CFAP54: variants seen among roughly 807,000 people sequenced by gnomAD.
CFAP54 encodes cilia and flagella associated protein 54.
Under a neutral mutation model 370.4 loss-of-function variants are expected in CFAP54, and 290 were observed. The observed-to-expected ratio is 0.78, with a 90% CI of 0.71 to 0.86. CFAP54 has a LOEUF of 0.86. Ranked by LOEUF, CFAP54 falls within the 40% of genes least tolerant of loss-of-function variation. The pLI, the probability that CFAP54 is intolerant of heterozygous loss-of-function variation, is 0.00. For synonymous variants in CFAP54, 1,206 were observed against 1,236.5 expected, an observed-to-expected ratio of 0.98 and a Z score of 0.52; for missense variants, 3,399 against 3,528.7, an observed-to-expected ratio of 0.96 and a Z score of 0.93.
At chr12:96,764,053 C>G in intron 58 of CFAP54, 98 bp from the exon 59 acceptor site, 2 of 692,248 alleles carry the variant, frequency 2.9e-6, no homozygotes, top group South Asian at 4.0e-5. Flanking sequence ...CATTATTATC[C>G]TTAGTGACTA....
chr12:96,669,465 A>C (rs1957119966), intron 39 of CFAP54, among the ~76,000 whole-genome samples: 1 of 152,178 alleles, frequency 6.6e-6, no homozygotes, highest in Non-Finnish European at 1.5e-5. Flanking sequence ...CTTGTGTCTT[A>C]AAGTAGAGAT....
rs67789144 is a variant in CFAP54, at chr12:96,742,028, TAGC to T, written c.7072-409_7072-407del. ...AATGAGATAATATATACAAAGCGTG[TAGC>T]ACAGTACCTGACACATAATAACTAA... is the stretch of plus-strand genomic sequence containing the variant. On this transcript the variant is annotated intron_variant, in intron 51 of 67. Transcript: ENST00000524981. 6.4e-3 allele frequency among the ~76,000 whole-genome samples: 977 copies of T among 152,340 alleles called. 14 individuals are homozygous for T. Among genetic ancestry groups the T allele is most frequent in the African/African-American group, 0.022 (926 of 41,576 alleles).
At chr12:96,580,896 C>T (rs151002023) in intron 21 of CFAP54, 24 bp from the exon 22 acceptor site, 12 of 1,402,036 alleles carry the variant, frequency 8.6e-6, no homozygotes, top group South Asian at 1.5e-5. Flanking sequence ...TCATGTATAA[C>T]TTGAAATATA....
chr12:96,853,700 A>C (rs549689087), intron 66 of CFAP54, among the ~76,000 whole-genome samples: 3 of 152,284 alleles, frequency 2.0e-5, no homozygotes, highest in African/African-American at 7.2e-5. Flanking sequence ...ATGTCTAGAA[A>C]GGAAGGCATA....
At chr12:96,677,546 G>T (rs1339506041) in intron 39 of CFAP54, among the ~76,000 whole-genome samples, 3 of 152,128 alleles carry the variant, frequency 2.0e-5, no homozygotes, top group African/African-American at 4.8e-5. Flanking sequence ...AGGTCTGCCT[G>T]CCTGGGACCA....
chr12:96,845,180 A>G lies in CFAP54; in HGVS notation c.9172-15639A>G, dbSNP rs145702341. Among the ~76,000 whole-genome samples the G allele has an allele frequency of 2.1e-3, 318 of 152,262 alleles. 6 individuals are homozygous for G. The highest frequency in any genetic ancestry group is 7.3e-3 in the African/African-American group (302 of 41,546). ...GTGATGCTGGAAATGTATTAGGCTT[A>G]TTTTACCATGACCCAGAAAAGAAAC... On this transcript the variant is annotated intron_variant, in intron 66 of 67. Transcript: ENST00000524981.
chr12:96,825,267 TATAAC>T lies in CFAP54; in HGVS notation c.9097-3744_9097-3740del, dbSNP rs1318255412. On this transcript the variant is annotated intron_variant, in intron 65 of 67. Transcript: ENST00000524981. ...CCTAGATATTATATATTATATATAA[TATAAC>T]ATGTTATATTATATATAATATAATA... Among the ~76,000 whole-genome samples, 11 of 104,082 alleles carry T rather than the reference TATAAC, an allele frequency of 1.1e-4. 1 individual carries two copies. The highest frequency in any genetic ancestry group is 3.5e-4 in the African/African-American group (9 of 25,974). 68.3% of individuals were successfully genotyped at this position (104,082 alleles called of 152,430 possible). A position where few individuals can be genotyped will look rare whatever the true frequency, so the allele number is the denominator to read the frequency against.
chr12:96,706,120 A>T (rs1469029371), intron 47 of CFAP54, among the ~76,000 whole-genome samples: 1 of 152,144 alleles, frequency 6.6e-6, no homozygotes, highest in Non-Finnish European at 1.5e-5. Context: ...TAGTCAATCA[A>T]CAATACAGAA....
In CFAP54 at chr12:96,554,297, A is replaced by G; in HGVS notation, c.2270A>G (p.His757Arg). The change falls in exon 16 of 68, where the codon CAC becomes CGC. Residue 757 changes from histidine (H) to arginine (R), a missense_variant. Physicochemically the swap from His to Arg is conservative, Grantham distance 29. Transcript: ENST00000524981. The part of the protein sequence containing the change: ...SLPNGSSVID[H>R]CYAKRTHHID... ...CCAAATGGATCATCAGTAATTGACC[A>G]CTGCTATGCCAAGGTAAGAATGGAA... is the stretch of plus-strand genomic sequence containing the variant. 1 of 1,518,462 alleles carries G rather than the reference A, an allele frequency of 6.6e-7. No homozygotes were observed. The highest frequency in any genetic ancestry group is 1.3e-5 in the South Asian group (1 of 79,522). 94.1% of individuals were successfully genotyped at this position (1,518,462 alleles called of 1,614,324 possible). A position where few individuals can be genotyped will look rare whatever the true frequency, so the allele number is the denominator to read the frequency against.
chr12:96,739,904 A>T, intron 50 of CFAP54, 52 bp from the exon 51 acceptor site: 1 of 1,090,052 alleles, frequency 9.2e-7, no homozygotes, highest in African/African-American at 1.6e-5. Flanking sequence ...AATAACATAC[A>T]GATGCCACAA....
chr12:96,608,328 CACACACAT>C (rs1253413756), intron 26 of CFAP54, among the ~76,000 whole-genome samples: 2 of 151,684 alleles, frequency 1.3e-5, no homozygotes, highest in Non-Finnish European at 2.9e-5. Context: ...CACACACACA[CACACACAT>C]ACGCACACAC....
At chr12:96,653,966 A>G (rs1181542242) in intron 36 of CFAP54, among the ~76,000 whole-genome samples, 1 of 152,182 alleles carries the variant, frequency 6.6e-6, no homozygotes, top group Non-Finnish European at 1.5e-5. Context: ...AGGAAATATG[A>G]TCAATTTTTG....
intron 49 of CFAP54, among the ~76,000 whole-genome samples, chr12:96,719,997 C>T (rs1957728931): frequency 6.6e-6 from 1 of 152,138 alleles, no homozygotes; most frequent in Non-Finnish European, 1.5e-5. Context: ...GCCATAAACA[C>T]ACATTAAACA....
rs1207463396 is a variant in CFAP54 at position 96,489,624 on chromosome 12, C to T, written c.15C>T (p.Gly5=). The T allele has an allele frequency of 2.6e-6, 4 of 1,520,440 alleles. No individual in the cohort carries two copies. Among genetic ancestry groups the T allele is most frequent in the Non-Finnish European group, 2.6e-6 (3 of 1,135,822 alleles). The allele number at this position is 1,520,440 out of a possible 1,614,324, so 94.2% of individuals were successfully genotyped here. A position where few individuals can be genotyped will look rare whatever the true frequency, so the allele number is the denominator to read the frequency against. The change falls in exon 1 of 68, where the codon GGC becomes GGT. Residue 5 remains glycine (G), a synonymous_variant. Transcript: ENST00000524981. MAAQ[G]SPSSSPSDDS... is the part of the protein sequence containing the mutation. ...GGCGCGTCAATATGGCGGCGCAGGG[C>T]TCCCCCTCGAGCTCTCCGTCAGACG...
At position 96,594,434 on chromosome 12, in the gene CFAP54, A is replaced by G. The variant is rs781400196; in HGVS notation, c.3504A>G (p.Val1168=). The G allele has an allele frequency of 6.5e-7, 1 of 1,530,422 alleles. No individual in the cohort carries two copies. The highest frequency in any genetic ancestry group is 1.2e-5 in the South Asian group (1 of 83,352). The allele number at this position is 1,530,422 out of a possible 1,614,324, so 94.8% of individuals were successfully genotyped here. The change falls in exon 25 of 68, where the codon GTA becomes GTG. Residue 1168 remains valine, a synonymous_variant. Transcript: ENST00000524981. ...APIIYHNIVL[V]PVVQILIKCI... The stretch of plus-strand genomic sequence containing the variant: ...TAATTTATCACAATATTGTTTTGGT[A>G]CCTGTTGTACAGGTAAGGGTATTCC...
chr12:96,685,492 T>G (rs1489623326), intron 42 of CFAP54, among the ~76,000 whole-genome samples: 1 of 152,198 alleles, frequency 6.6e-6, no homozygotes, highest in Non-Finnish European at 1.5e-5. Flanking sequence ...TGCTTACTCA[T>G]GGATCCCAAG....
At chr12:96,777,640 C>T (rs553875449) in intron 60 of CFAP54, among the ~76,000 whole-genome samples, 1 of 152,244 alleles carries the variant, frequency 6.6e-6, no homozygotes, top group Non-Finnish European at 1.5e-5. Context: ...TGAGCCACTG[C>T]GCCTGGCCCA....
rs185352900 is a variant in CFAP54 at position 96,547,304 on chromosome 12, G to T, written c.2078-598G>T. The stretch of plus-strand genomic sequence containing the variant: ...GGGTTCAAGCAATTCTCCTGCCTCA[G>T]CACCTCCCAGTAGCTGGGATTACAG... On this transcript the variant is annotated intron_variant, in intron 14 of 67. Transcript: ENST00000524981. 9.0e-3 allele frequency among the ~76,000 whole-genome samples: 1,366 copies of T among 152,190 alleles called. 85 individuals carry two copies. Among genetic ancestry groups the T allele is most frequent in the Admixed American group, 0.083 (1,269 of 15,288 alleles).
At chr12:96,719,560 G>A (rs1957724990) in intron 49 of CFAP54, among the ~76,000 whole-genome samples, 1 of 152,170 alleles carries the variant, frequency 6.6e-6, no homozygotes, top group South Asian at 2.1e-4. Flanking sequence ...CAGATTCTGT[G>A]TTTGCTAATT....
Sources: gnomAD v4.1 joint callset for allele counts (sites outside exome capture counted in the v4.1 genomes callset) on GRCh38, gnomAD v4.1.1 for gene constraint, MANE v1.5 for transcripts, NCBI Gene and HGNC (gene_info 2026-07-23, HGNC 2026-07-21) for gene names.